NRP2: variants seen among roughly 807,000 people sequenced by gnomAD.
NRP2 encodes the protein neuropilin 2.
A neutral mutation model predicts 110.4 loss-of-function variants in NRP2; 52 were observed. The observed-to-expected ratio is 0.47, with a 90% CI of 0.38 to 0.59. The LOEUF is 0.59. Ranked by LOEUF, NRP2 falls within the 20% of genes least tolerant of loss-of-function variation. The probability of loss-of-function intolerance (pLI) is 0.00; values close to 1 mark genes in which losing one functional copy is unlikely to be tolerated. For synonymous variants in NRP2, 508 were observed against 468.9 expected, an observed-to-expected ratio of 1.08 and a Z score of -1.08; for missense variants, 1,049 against 1,203.0, an observed-to-expected ratio of 0.87 and a Z score of 1.89.
At chr2:205,738,113 G>T (rs1296476958) in intron 7 of NRP2, among the ~76,000 whole-genome samples, 1 of 152,244 alleles carries the variant, frequency 6.6e-6, no homozygotes, top group Admixed American at 6.5e-5. Flanking sequence ...CATAAGACAT[G>T]CTGTGTTTCT....
At chr2:205,748,671 A>C (rs1209482997) in intron 10 of NRP2, among the ~76,000 whole-genome samples, 3 of 152,212 alleles carry the variant, frequency 2.0e-5, no homozygotes, top group African/African-American at 7.2e-5. Flanking sequence ...GCCTAATCAC[A>C]TACAGTAGTG....
chr2:205,687,995 ACTC>A (rs2056215900), intron 1 of NRP2, among the ~76,000 whole-genome samples: 1 of 152,098 alleles, frequency 6.6e-6, no homozygotes, highest in South Asian at 2.1e-4. Flanking sequence ...AAATGAACTG[ACTC>A]AGGATGACCT....
Position 205,721,496 on chromosome 2 carries a change from C to T in NRP2, c.434-982C>T, listed in dbSNP as rs571735679. 2.6e-5 allele frequency among the ~76,000 whole-genome samples: 4 copies of T among 152,270 alleles called. No individual in the cohort carries two copies. The East Asian group carries it at 7.7e-4, about 29-fold the overall frequency. ...CTCCCGGGACCCATCTGTGGTGCTG[C>T]CCTGGCAAATGGTGGCTGGTTAAAG... is the stretch of plus-strand genomic sequence containing the variant. On this transcript the variant is annotated intron_variant, in intron 3 of 16. Transcript: ENST00000357785.
In NRP2 at chr2:205,796,664, T is replaced by C. The variant is rs933058808; in HGVS notation, c.*1606T>C. On this transcript the variant is annotated 3_prime_UTR_variant, in exon 17 of 17. Transcript: ENST00000357785. ...GCTACCCGAGTGGTAGTCATAGCCC[T>C]AGATGACTCTCAACTACTCTTCAAA... 1 of 152,594 alleles carries C rather than the reference T, an allele frequency of 6.6e-6. No homozygotes were observed. The highest frequency in any genetic ancestry group is 2.4e-5 in the African/African-American group (1 of 41,434). The allele number at this position is 152,594 out of a possible 1,614,324, so 9.5% of individuals were successfully genotyped here.
chr2:205,792,119 G>T, intron 15 of NRP2, 116 bp from the exon 16 acceptor site: 1 of 741,772 alleles, frequency 1.3e-6, no homozygotes, highest in Non-Finnish European at 2.5e-6. Flanking sequence ...AAGTAGAGGT[G>T]ATTCTCTAGC....
intron 5 of NRP2, among the ~76,000 whole-genome samples, chr2:205,724,616 A>ATTT (rs2057090033): frequency 2.0e-5 from 3 of 151,652 alleles, no homozygotes; most frequent in African/African-American, 7.3e-5. Flanking sequence ...ATGTGTTTCA[A>ATTT]ATATGCTGCC....
intron 3 of NRP2, among the ~76,000 whole-genome samples, chr2:205,720,262 C>CTTTTTTTTTTTTTTTT (rs202203741): frequency 2.3e-5 from 3 of 129,172 alleles, no homozygotes; most frequent in Non-Finnish European, 3.3e-5. Flanking sequence ...TTTTTTCTTT[C>CTTTTTTTTTTTTTTTT]TTTTTTTTTT....
chr2:205,718,794 T>A (rs1372407593), intron 3 of NRP2, among the ~76,000 whole-genome samples: 1 of 151,872 alleles, frequency 6.6e-6, no homozygotes, highest in African/African-American at 2.4e-5. Context: ...ATACAAAACT[T>A]AGCCGGGCAT....
In NRP2 at chr2:205,723,813, G is replaced by A. The variant is rs774523900; in HGVS notation, c.693G>A (p.Gly231=). ...HVGPLIGKYC[G]TKTPSELRSS... ...GCCCCCTGATTGGCAAGTACTGTGG[G>A]ACCAAAACACCCTCTGAACTTCGTT... Residue 231 remains glycine, a synonymous_variant, in exon 5 of 17, where the codon GGG becomes GGA. Transcript: ENST00000357785. 1 of 1,614,180 alleles carries A rather than the reference G, an allele frequency of 6.2e-7. No homozygotes were observed. Among genetic ancestry groups the A allele is most frequent in the Non-Finnish European group, 8.5e-7 (1 of 1,180,022 alleles).
intron 5 of NRP2, among the ~76,000 whole-genome samples, chr2:205,724,528 A>G (rs2057087209): frequency 6.6e-6 from 1 of 152,122 alleles, no homozygotes; most frequent in Non-Finnish European, 1.5e-5. Context: ...ATTAAAAACT[A>G]TCACTCTGAT....
At position 205,704,028 on chromosome 2, in the gene NRP2, C is replaced by T. The variant is rs141272326; in HGVS notation, c.251+6307C>T. On this transcript the variant is annotated intron_variant, in intron 2 of 16. Coordinates refer to ENST00000357785, the MANE Select transcript of NRP2 (RefSeq NM_003872.3). ...AAGATGATGGGGACTCTCTGCTGTC[C>T]CCACCTTCCCTGTCCATTGTAGGGT... is the stretch of plus-strand genomic sequence containing the variant. Among the ~76,000 whole-genome samples, 20 of 152,202 alleles carry T rather than the reference C, an allele frequency of 1.3e-4. 1 individual carries two copies. Among genetic ancestry groups the T allele is most frequent in the African/African-American group, 4.6e-4 (19 of 41,524 alleles).
At chr2:205,726,397 C>T (rs756535472) in intron 6 of NRP2, among the ~76,000 whole-genome samples, 3 of 152,130 alleles carry the variant, frequency 2.0e-5, no homozygotes, top group Admixed American at 6.5e-5. Context: ...GGATCTTCCT[C>T]ATTCTTGGCA....
At chr2:205,773,147 A>T (rs369914470) in intron 15 of NRP2, among the ~76,000 whole-genome samples, 1 of 152,170 alleles carries the variant, frequency 6.6e-6, no homozygotes, top group African/African-American at 2.4e-5. Context: ...CCACAGCCTC[A>T]TTAGCATACA....
At chr2:205,689,753 C>G (rs1181366702) in intron 1 of NRP2, among the ~76,000 whole-genome samples, 1 of 152,106 alleles carries the variant, frequency 6.6e-6, no homozygotes, top group Non-Finnish European at 1.5e-5. Flanking sequence ...CTTTTCCTCC[C>G]CTTCCATCCT....
At chr2:205,760,595 C>T (rs1207360985) in intron 12 of NRP2, among the ~76,000 whole-genome samples, 1 of 151,414 alleles carries the variant, frequency 6.6e-6, no homozygotes, top group Non-Finnish European at 1.5e-5. Context: ...GTCATTTTAT[C>T]GTGAGAGGGA....
At chr2:205,786,597 A>C (rs963828065) in intron 15 of NRP2, among the ~76,000 whole-genome samples, 10 of 152,190 alleles carry the variant, frequency 6.6e-5, no homozygotes, top group African/African-American at 2.4e-4. Context: ...GGTACCTGTG[A>C]AAATGAATGA....
intron 2 of NRP2, among the ~76,000 whole-genome samples, chr2:205,707,152 G>C (rs2056695401): frequency 6.6e-6 from 1 of 152,198 alleles, no homozygotes; most frequent in Non-Finnish European, 1.5e-5. Context: ...ACCCCAACCT[G>C]TTCTCTCAGA....
intron 4 of NRP2, among the ~76,000 whole-genome samples, chr2:205,723,183 C>T (rs849539): frequency 0.88 from 134,199 of 152,178 alleles, 61,449 homozygotes; most frequent in East Asian, 1. Context: ...TTAAAATTGT[C>T]ATTAATATAG....
chr2:205,727,074 C>T (rs2057141736), intron 6 of NRP2, among the ~76,000 whole-genome samples: 1 of 152,216 alleles, frequency 6.6e-6, no homozygotes, highest in African/African-American at 2.4e-5. Flanking sequence ...TGCTATCCAC[C>T]TGTTTCTCAT....
Sources: gnomAD v4.1 joint callset for allele counts (sites outside exome capture counted in the v4.1 genomes callset) on GRCh38, gnomAD v4.1.1 for gene constraint, MANE v1.5 for transcripts, NCBI Gene and HGNC (gene_info 2026-07-23, HGNC 2026-07-21) for gene names.